The following GRM1 variants were observed in gnomAD, a reference collection of about 807,000 sequenced individuals.
GRM1 encodes metabotropic glutamate receptor 1.
In GRM1, 33 loss-of-function variants were observed where a neutral mutation model predicts 90.9. The observed-to-expected ratio is 0.36, with a 90% CI of 0.28 to 0.49. The LOEUF is 0.49. GRM1 is among the 20% of genes least tolerant of loss of function. The pLI, the probability that GRM1 is intolerant of heterozygous loss-of-function variation, is 0.99. For missense variants in GRM1, 1,190 were observed against 1,534.3 expected (o/e 0.78, Z 3.75); for synonymous variants, 700 against 613.2 (o/e 1.14, Z -2.09).
chr6:146,402,518 C>A (rs1777194764), intron 7 of GRM1, among the ~76,000 whole-genome samples: 1 of 152,036 alleles, frequency 6.6e-6, no homozygotes, highest in Admixed American at 6.6e-5. Flanking sequence ...AGAGTTTTGC[C>A]AACTGAAGCA....
At chr6:146,314,051 CTTTTTTTT>C (rs552986343) in intron 3 of GRM1, among the ~76,000 whole-genome samples, 12 of 61,956 alleles carry the variant, frequency 1.9e-4, no homozygotes, top group African/African-American at 7.0e-4. Context: ...TAGTTAATTC[CTTTTTTTT>C]TTTTTTTTTT....
chr6:146,330,191 G>A (rs1784539726), intron 3 of GRM1, among the ~76,000 whole-genome samples: 2 of 152,150 alleles, frequency 1.3e-5, no homozygotes, highest in South Asian at 4.1e-4. Flanking sequence ...TAATTCCGCT[G>A]GCTGGGAGGG....
At chr6:146,041,353 T>A (rs1321127417) in intron 1 of GRM1, among the ~76,000 whole-genome samples, 1 of 152,020 alleles carries the variant, frequency 6.6e-6, no homozygotes, top group East Asian at 1.9e-4. Context: ...TAGTTATTTA[T>A]CCCAGTCTTC....
chr6:146,066,728 C>T (rs1278888759), intron 1 of GRM1, among the ~76,000 whole-genome samples: 1 of 151,374 alleles, frequency 6.6e-6, no homozygotes, highest in Non-Finnish European at 1.5e-5. Context: ...TAAATCACTC[C>T]TTAGAGAACA....
chr6:146,146,431 G>C (rs1358450845), intron 1 of GRM1, among the ~76,000 whole-genome samples: 2 of 151,914 alleles, frequency 1.3e-5, no homozygotes, highest in African/African-American at 4.8e-5. Context: ...GATTTCACAT[G>C]TTCCCAGATG....
intron 5 of GRM1, among the ~76,000 whole-genome samples, chr6:146,383,332 G>T (rs1452388687): frequency 5.9e-5 from 9 of 152,098 alleles, no homozygotes; most frequent in Admixed American, 2.6e-4. Flanking sequence ...ATTGTCTTTT[G>T]AATTTGTCTA....
intron 3 of GRM1, among the ~76,000 whole-genome samples, chr6:146,323,875 C>G (rs1215069888): frequency 1.3e-5 from 2 of 152,168 alleles, no homozygotes; most frequent in Non-Finnish European, 2.9e-5. Context: ...TTGTTTTTCT[C>G]AGGTTTGTCA....
intron 2 of GRM1, among the ~76,000 whole-genome samples, chr6:146,259,113 A>G (rs572128208): frequency 6.6e-6 from 1 of 152,114 alleles, no homozygotes; most frequent in Non-Finnish European, 1.5e-5. Context: ...GGGCATATTC[A>G]TGGTTAAAGG....
chr6:146,394,344 G>A (rs981456916), intron 6 of GRM1, among the ~76,000 whole-genome samples: 1 of 152,078 alleles, frequency 6.6e-6, no homozygotes, highest in African/African-American at 2.4e-5. Context: ...AAATAATAAA[G>A]ATGAACTCAG....
chr6:146,424,921 C>T (rs1489774313), intron 7 of GRM1, among the ~76,000 whole-genome samples: 1 of 152,222 alleles, frequency 6.6e-6, no homozygotes, highest in African/African-American at 2.4e-5. Context: ...TCCTTGCTAA[C>T]ATTTACATTG....
intron 5 of GRM1, among the ~76,000 whole-genome samples, chr6:146,378,545 C>A (rs1029238225): frequency 6.6e-6 from 1 of 152,296 alleles, no homozygotes; most frequent in Middle Eastern, 3.4e-3. Context: ...GGGCCTGTAG[C>A]CCTTTTGTTT....
At chr6:146,286,715 C>A (rs911548098) in intron 2 of GRM1, among the ~76,000 whole-genome samples, 1 of 152,178 alleles carries the variant, frequency 6.6e-6, no homozygotes, top group Non-Finnish European at 1.5e-5. Flanking sequence ...CTGCAAGGAA[C>A]TTGAAGATCC....
chr6:146,174,607 C>T (rs996090937), intron 2 of GRM1, among the ~76,000 whole-genome samples: 1 of 152,120 alleles, frequency 6.6e-6, no homozygotes, highest in Admixed American at 6.5e-5. Context: ...TATTGTTATA[C>T]AATCACTTAA....
At chr6:146,433,564 G>C (rs1203309946) in intron 7 of GRM1, among the ~76,000 whole-genome samples, 1 of 151,754 alleles carries the variant, frequency 6.6e-6, no homozygotes, top group African/African-American at 2.4e-5. Flanking sequence ...GTGTGTCAGA[G>C]AGAGACAGAG....
At chr6:146,067,913 A>G (rs1387800120) in intron 1 of GRM1, among the ~76,000 whole-genome samples, 1 of 152,200 alleles carries the variant, frequency 6.6e-6, no homozygotes, top group Non-Finnish European at 1.5e-5. Flanking sequence ...AGAGAAAATA[A>G]TCTGGCTTTA....
intron 1 of GRM1, among the ~76,000 whole-genome samples, chr6:146,148,023 A>G (rs1777176045): frequency 6.6e-6 from 1 of 152,232 alleles, no homozygotes; most frequent in Admixed American, 6.5e-5. Flanking sequence ...GATATCACAG[A>G]AAGTGGCACA....
intron 1 of GRM1, among the ~76,000 whole-genome samples, chr6:146,155,558 T>A (rs973944801): frequency 6.6e-6 from 1 of 152,164 alleles, no homozygotes; most frequent in African/African-American, 2.4e-5. Context: ...ATGACCAGGA[T>A]TTACTTAGAG....
Position 146,434,395 on chromosome 6 carries a change from C to A in GRM1, c.3184C>A (p.Leu1062Met). 6.2e-7 allele frequency: 1 copy of A among 1,613,394 alleles called. No homozygotes were observed. Among genetic ancestry groups the A allele is most frequent in the Non-Finnish European group, 8.5e-7 (1 of 1,179,722 alleles). The change falls in exon 8 of 8, where the codon CTG (leucine) becomes ATG (methionine). Residue 1062 changes from leucine (L) to methionine (M), a missense_variant. Physicochemically the swap from Leu to Met is conservative, Grantham distance 15 (BLOSUM62 2). Transcript: ENST00000282753. ...LAGPGGPGNG[L>M]RSLYPPPPPP... is the part of the protein sequence containing the mutation. The stretch of plus-strand genomic sequence containing the variant: ...AGGCCCCGGTGGTCCCGGGAACGGG[C>A]TGCGGTCCCTGTACCCGCCCCCGCC...
rs540195433 is a variant in GRM1 at position 146,436,871 on chromosome 6, T to C, written c.*2075T>C. The C allele has an allele frequency of 6.5e-6, 1 of 152,786 alleles. No individual in the cohort carries two copies. Among genetic ancestry groups the C allele is most frequent in the Admixed American group, 6.5e-5 (1 of 15,310 alleles). The allele number at this position is 152,786 out of a possible 1,614,324, so 9.5% of individuals were successfully genotyped here. On this transcript the variant is annotated 3_prime_UTR_variant, in exon 8 of 8. Transcript: ENST00000282753. ...AATCTTTAAATATCCATTGCATCAT[T>C]TGTTCAGAATTTAACATCCATTCCA...
Sources: gnomAD v4.1 joint callset for allele counts (sites outside exome capture counted in the v4.1 genomes callset) on GRCh38, gnomAD v4.1.1 for gene constraint, MANE v1.5 for transcripts, NCBI Gene and HGNC (gene_info 2026-07-23, HGNC 2026-07-21) for gene names.